The following DLG2 variants were observed in gnomAD, a reference collection of about 807,000 sequenced individuals.
DLG2 encodes discs large MAGUK scaffold protein 2.
In DLG2, 45 loss-of-function variants were observed where a neutral mutation model predicts 132.5. The ratio of observed to expected loss-of-function variants is 0.34; its 90% CI spans 0.27 to 0.44. The LOEUF (loss-of-function observed/expected upper bound fraction) is 0.44, where lower values mean the gene tolerates loss of function less well. Ranked by LOEUF, DLG2 falls within the 20% of genes least tolerant of loss-of-function variation. The probability of loss-of-function intolerance (pLI) is 1.00; values close to 1 mark genes in which losing one functional copy is unlikely to be tolerated. For synonymous variants in DLG2, 424 were observed against 419.6 expected, an observed-to-expected ratio of 1.01 and a Z score of -0.13; for missense variants, 1,045 against 1,196.9, an observed-to-expected ratio of 0.87 and a Z score of 1.87.
At chr11:84,728,470 T>C (rs1333175817) in intron 6 of DLG2, among the ~76,000 whole-genome samples, 6 of 152,160 alleles carry the variant, frequency 3.9e-5, no homozygotes, top group Admixed American at 3.9e-4. Flanking sequence ...AGCTTCCTGA[T>C]GTGCTGCTGG....
chr11:84,932,926 A>G (rs2048274796), intron 6 of DLG2, among the ~76,000 whole-genome samples: 1 of 152,194 alleles, frequency 6.6e-6, no homozygotes, highest in Admixed American at 6.5e-5. Flanking sequence ...TAGATCCTTG[A>G]GGAATCACCG....
chr11:84,472,712 G>A (rs182793401), intron 7 of DLG2, among the ~76,000 whole-genome samples: 2 of 151,926 alleles, frequency 1.3e-5, no homozygotes, highest in Admixed American at 6.6e-5. Flanking sequence ...ACTAGGTGTT[G>A]ACAACATATT....
chr11:84,734,567 AT>A (rs2063576833), intron 6 of DLG2, among the ~76,000 whole-genome samples: 1 of 152,174 alleles, frequency 6.6e-6, no homozygotes, highest in Non-Finnish European at 1.5e-5. Flanking sequence ...TAGATATCCA[AT>A]CATGTCATCT....
chr11:84,618,227 G>C (rs945294903), intron 6 of DLG2, among the ~76,000 whole-genome samples: 1 of 151,958 alleles, frequency 6.6e-6, no homozygotes, highest in African/African-American at 2.4e-5. Flanking sequence ...TTGAACCTGG[G>C]GTCTTGATGC....
At chr11:84,870,867 G>C (rs1461453723) in intron 6 of DLG2, among the ~76,000 whole-genome samples, 1 of 152,118 alleles carries the variant, frequency 6.6e-6, no homozygotes, top group Admixed American at 6.6e-5. Flanking sequence ...TTTTGGACCT[G>C]AATTTACAAC....
intron 18 of DLG2, among the ~76,000 whole-genome samples, chr11:83,758,034 G>A (rs867384202): frequency 5.3e-5 from 8 of 152,144 alleles, no homozygotes; most frequent in Middle Eastern, 3.2e-3. Context: ...GGCTAGAAAT[G>A]GTTATATGGA....
chr11:85,564,235 T>C (rs2077410223), intron 3 of DLG2, among the ~76,000 whole-genome samples: 1 of 152,074 alleles, frequency 6.6e-6, no homozygotes, highest in South Asian at 2.1e-4. Flanking sequence ...TGATGGTGTC[T>C]TTTAAAAGGC....
intron 5 of DLG2, among the ~76,000 whole-genome samples, chr11:85,129,523 G>C (rs118113929): frequency 0.019 from 2,962 of 152,190 alleles, 52 homozygotes; most frequent in Admixed American, 0.041. Flanking sequence ...TTGTGGTTTT[G>C]ATTTGCATTT....
chr11:84,072,441 A>G (rs766911324), intron 10 of DLG2, among the ~76,000 whole-genome samples: 10 of 152,232 alleles, frequency 6.6e-5, no homozygotes, highest in Non-Finnish European at 1.3e-4. Context: ...AAAATTCAAT[A>G]TAAGTGCTAT....
intron 24 of DLG2, 66 bp downstream of exon 24, chr11:83,471,560 T>C (rs2092026975): frequency 8.4e-7 from 1 of 1,187,854 alleles, no homozygotes; most frequent in Non-Finnish European, 1.3e-6. Context: ...GAATTACATT[T>C]TACCATCTCA....
intron 7 of DLG2, among the ~76,000 whole-genome samples, chr11:84,465,020 C>T (rs2099090422): frequency 6.6e-6 from 1 of 151,140 alleles, no homozygotes; most frequent in Non-Finnish European, 1.5e-5. Context: ...ACACTGTTGG[C>T]CCTTGGAAAG....
chr11:83,936,463 A>T (rs2081457767), intron 14 of DLG2, among the ~76,000 whole-genome samples: 1 of 152,152 alleles, frequency 6.6e-6, no homozygotes, highest in African/African-American at 2.4e-5. Flanking sequence ...ATCACATCAG[A>T]TTGTTGGGTC....
At chr11:84,679,263 T>C (rs1229855044) in intron 6 of DLG2, among the ~76,000 whole-genome samples, 1 of 152,074 alleles carries the variant, frequency 6.6e-6, no homozygotes, top group African/African-American at 2.4e-5. Context: ...GATTGATGTC[T>C]GCAAAGAAAA....
intron 6 of DLG2, among the ~76,000 whole-genome samples, chr11:84,655,364 A>G (rs2099686927): frequency 6.6e-6 from 1 of 152,202 alleles, no homozygotes; most frequent in African/African-American, 2.4e-5. Flanking sequence ...AATGTTGAGC[A>G]GCCTGCTTGG....
chr11:84,357,378 C>T lies in DLG2; in HGVS notation c.520-106087G>A, dbSNP rs1326868028. On this transcript the variant is annotated intron_variant, in intron 7 of 27. Transcript: ENST00000376104. ...TGACTCCAAGTCCATGTATGTCTTC[C>T]TCTCCTCAGGAAAGCCTTCAGGAAC... 3.9e-5 allele frequency among the ~76,000 whole-genome samples: 6 copies of T among 152,044 alleles called. No homozygotes were observed. In the East Asian group the frequency reaches 1.2e-3, roughly 29 times the overall value.
At chr11:83,857,071 G>A (rs1422436624) in intron 16 of DLG2, among the ~76,000 whole-genome samples, 1 of 152,086 alleles carries the variant, frequency 6.6e-6, no homozygotes, top group Non-Finnish European at 1.5e-5. Context: ...CACCATTTAT[G>A]GAATAGGGAA....
intron 7 of DLG2, among the ~76,000 whole-genome samples, chr11:84,350,251 G>T (rs1347648239): frequency 6.6e-6 from 1 of 150,616 alleles, no homozygotes; most frequent in Admixed American, 6.6e-5. Context: ...TTTTTAACCT[G>T]AAGAGGTTAA....
intron 6 of DLG2, among the ~76,000 whole-genome samples, chr11:84,535,025 CT>C (rs1406711342): frequency 6.6e-6 from 1 of 152,108 alleles, no homozygotes; most frequent in Non-Finnish European, 1.5e-5. Context: ...AGAACATTTA[CT>C]TTATTCAAGT....
At chr11:85,486,941 C>T (rs991205483) in intron 3 of DLG2, among the ~76,000 whole-genome samples, 4 of 151,586 alleles carry the variant, frequency 2.6e-5, no homozygotes, top group Non-Finnish European at 4.4e-5. Flanking sequence ...AATGGTCCAA[C>T]TAGTGTCCTA....
Sources: gnomAD v4.1 joint callset for allele counts (sites outside exome capture counted in the v4.1 genomes callset) on GRCh38, gnomAD v4.1.1 for gene constraint, MANE v1.5 for transcripts, NCBI Gene and HGNC (gene_info 2026-07-23, HGNC 2026-07-21) for gene names.